HS3ST3A1: variants seen among roughly 807,000 people sequenced by gnomAD.
HS3ST3A1 encodes heparan sulfate-glucosamine 3-sulfotransferase 3A1.
In HS3ST3A1, 19 loss-of-function variants were observed where a neutral mutation model predicts 25.7. The ratio of observed to expected loss-of-function variants is 0.74; its 90% confidence interval spans 0.52 to 1.08. The LOEUF is 1.08. HS3ST3A1 is among the 50% of genes least tolerant of loss of function. The pLI is 0.00. For synonymous variants in HS3ST3A1, 226 were observed against 278.6 expected, an observed-to-expected ratio of 0.81 and a Z score of 1.88; for missense variants, 459 against 594.3, an observed-to-expected ratio of 0.77 and a Z score of 2.37.
intron 1 of HS3ST3A1, among the ~76,000 whole-genome samples, chr17:13,501,464 C>T (rs6502269): frequency 0.81 from 123,688 of 152,110 alleles, 50,775 homozygotes; most frequent in East Asian, 0.94. Context: ...TTTTGCTTTA[C>T]GGCTAATTAA....
intron 1 of HS3ST3A1, among the ~76,000 whole-genome samples, chr17:13,500,711 G>GA (rs1226865809): frequency 6.6e-6 from 1 of 152,094 alleles, no homozygotes; most frequent in Admixed American, 6.5e-5. Flanking sequence ...ACACTATAAG[G>GA]AAAAAATATA....
chr17:13,580,000 A>G (rs549953231), intron 1 of HS3ST3A1, among the ~76,000 whole-genome samples: 30 of 151,274 alleles, frequency 2.0e-4, no homozygotes, highest in Non-Finnish European at 1.3e-4. Context: ...TATGATCTTA[A>G]TTAGGTTAAA....
chr17:13,541,729 A>T (rs1906938347), intron 1 of HS3ST3A1, among the ~76,000 whole-genome samples: 2 of 152,220 alleles, frequency 1.3e-5, no homozygotes, highest in Admixed American at 1.3e-4. Flanking sequence ...CATCGTGACC[A>T]GATGGTCATC....
chr17:13,546,529 G>A (rs1186245566), intron 1 of HS3ST3A1, among the ~76,000 whole-genome samples: 1 of 152,218 alleles, frequency 6.6e-6, no homozygotes, highest in Admixed American at 6.5e-5. Context: ...GCCTCCCAAA[G>A]TGTTGGGATT....
chr17:13,510,009 G>A (rs1256626716), intron 1 of HS3ST3A1, among the ~76,000 whole-genome samples: 5 of 152,222 alleles, frequency 3.3e-5, no homozygotes, highest in Non-Finnish European at 7.3e-5. Context: ...CTTCTGAACT[G>A]TGAAAGTTAC....
intron 1 of HS3ST3A1, among the ~76,000 whole-genome samples, chr17:13,575,037 G>GTT (rs1907917057): frequency 6.6e-6 from 1 of 151,828 alleles, no homozygotes; most frequent in African/African-American, 2.4e-5. Context: ...TTTTTTCTCA[G>GTT]TCTCTCTGTT....
At chr17:13,593,903 C>T (rs547021953) in intron 1 of HS3ST3A1, among the ~76,000 whole-genome samples, 1 of 152,248 alleles carries the variant, frequency 6.6e-6, no homozygotes, top group Admixed American at 6.5e-5. Context: ...CCCCAGTTTT[C>T]CCATAAATGC....
At chr17:13,508,071 C>T (rs533363987) in intron 1 of HS3ST3A1, among the ~76,000 whole-genome samples, 1 of 152,186 alleles carries the variant, frequency 6.6e-6, no homozygotes, top group African/African-American at 2.4e-5. Context: ...AGCTCCCACA[C>T]CAACCGAATC....
chr17:13,600,610 C>A lies in HS3ST3A1; in HGVS notation c.520G>T (p.Val174Leu), dbSNP rs563386534. The change falls in exon 1 of 2, where the codon GTG becomes TTG. Residue 174 changes from valine (V) to leucine (L), a missense_variant. Physicochemically the swap from Val to Leu is conservative, Grantham distance 32 (BLOSUM62 1). Around this residue, in one of 3 missense-constraint regions of HS3ST3A1, gnomAD observed 346 missense variants for 303.9 expected, o/e 1.14. Transcript: ENST00000284110. ...GTRALLEFLR[V>L]HPDVRAVGAE... ...CCCACGGCGCGCACGTCGGGGTGCACGCGCAGGAACTCCAGCAGCGCCCGC... is the reference window on the plus strand; with the variant it reads ...CCCACGGCGCGCACGTCGGGGTGCAAGCGCAGGAACTCCAGCAGCGCCCGC... The A allele has an allele frequency of 4.4e-6, 7 of 1,599,258 alleles. No individual in the cohort carries two copies. Among genetic ancestry groups the A allele is most frequent in the African/African-American group, 4.0e-5 (3 of 74,678 alleles).
At chr17:13,513,167 T>C (rs1434853494) in intron 1 of HS3ST3A1, among the ~76,000 whole-genome samples, 2 of 152,212 alleles carry the variant, frequency 1.3e-5, no homozygotes, top group East Asian at 3.8e-4. Context: ...GCAGACAGGC[T>C]GTCCATTCCA....
At chr17:13,597,855 C>G (rs2142400156) in intron 1 of HS3ST3A1, among the ~76,000 whole-genome samples, 1 of 152,306 alleles carries the variant, frequency 6.6e-6, no homozygotes, top group South Asian at 2.1e-4. Context: ...TTCTAACTGA[C>G]AAACTCATTC....
intron 1 of HS3ST3A1, among the ~76,000 whole-genome samples, chr17:13,522,885 GC>G (rs1429722585): frequency 8.7e-6 from 1 of 114,516 alleles, no homozygotes; most frequent in Non-Finnish European, 2.0e-5. Context: ...CACACACAAA[GC>G]AAGTACAAAA....
intron 1 of HS3ST3A1, among the ~76,000 whole-genome samples, chr17:13,560,718 T>C (rs2142364939): frequency 6.6e-6 from 1 of 152,306 alleles, no homozygotes; most frequent in Middle Eastern, 3.4e-3. Flanking sequence ...CAATTCCATT[T>C]TGATCAAAGT....
intron 1 of HS3ST3A1, among the ~76,000 whole-genome samples, chr17:13,588,234 C>T (rs1335280614): frequency 6.6e-6 from 1 of 151,528 alleles, no homozygotes; most frequent in Non-Finnish European, 1.5e-5. Flanking sequence ...GTACCACCCA[C>T]AAAACCTAAA....
chr17:13,524,430 G>GT (rs938341064), intron 1 of HS3ST3A1, among the ~76,000 whole-genome samples: 21 of 151,732 alleles, frequency 1.4e-4, no homozygotes, highest in Admixed American at 2.6e-4. Context: ...GCTAATTTTT[G>GT]TTTTTTTTGT....
intron 1 of HS3ST3A1, among the ~76,000 whole-genome samples, chr17:13,560,946 A>G (rs1336055127): frequency 3.9e-5 from 6 of 152,224 alleles, no homozygotes; most frequent in African/African-American, 1.4e-4. Context: ...TCCTGACACC[A>G]TGTAGCCTAT....
At chr17:13,514,266 T>G (rs1303642374) in intron 1 of HS3ST3A1, among the ~76,000 whole-genome samples, 1 of 152,056 alleles carries the variant, frequency 6.6e-6, no homozygotes, top group Non-Finnish European at 1.5e-5. Context: ...AAAAAATAGT[T>G]TTAAATCCAT....
At chr17:13,554,086 A>G (rs1223823290) in intron 1 of HS3ST3A1, among the ~76,000 whole-genome samples, 2 of 152,228 alleles carry the variant, frequency 1.3e-5, no homozygotes, top group African/African-American at 4.8e-5. Context: ...AAAAAAAGTC[A>G]CAGATTCAGA....
intron 1 of HS3ST3A1, among the ~76,000 whole-genome samples, chr17:13,576,296 C>T (rs1268774372): frequency 6.6e-6 from 1 of 152,210 alleles, no homozygotes; most frequent in African/African-American, 2.4e-5. Context: ...TCAGCTGGAG[C>T]TGCAGACATA....
Sources: gnomAD v4.1 joint callset for allele counts (sites outside exome capture counted in the v4.1 genomes callset) on GRCh38, gnomAD v4.1.1 for gene constraint, gnomAD v4.1.1 regional missense constraint, MANE v1.5 for transcripts, NCBI Gene and HGNC (gene_info 2026-07-23, HGNC 2026-07-21) for gene names.